Variants in ST13 observed in about 807,000 individuals in gnomAD.
ST13 encodes ST13 Hsp70 interacting protein.
A neutral mutation model predicts 56.7 loss-of-function variants in ST13; 23 were observed. The ratio of observed to expected loss-of-function variants is 0.41; its 90% CI spans 0.29 to 0.57. The LOEUF (loss-of-function observed/expected upper bound fraction) is 0.57. Ranked by LOEUF, ST13 falls within the 20% of genes least tolerant of loss-of-function variation. The probability of loss-of-function intolerance (pLI) is 0.36; values close to 1 mark genes in which losing one functional copy is unlikely to be tolerated. For missense variants in ST13, 369 were observed against 459.9 expected (o/e 0.80, Z 1.81); for synonymous variants, 132 against 142.4 (o/e 0.93, Z 0.52).
At chr22:40,846,208 T>A (rs528330832) in intron 3 of ST13, among the ~76,000 whole-genome samples, 1 of 152,320 alleles carries the variant, frequency 6.6e-6, no homozygotes, top group African/African-American at 2.4e-5. Context: ...AGTGCTGGGA[T>A]TAAAGGTGTG....
At chr22:40,855,056 A>T (rs985782749) in intron 1 of ST13, among the ~76,000 whole-genome samples, 1 of 152,238 alleles carries the variant, frequency 6.6e-6, no homozygotes, top group Non-Finnish European at 1.5e-5. Flanking sequence ...GGAAAAAAAT[A>T]CAACATACAA....
chr22:40,836,669 A>G (rs2057779088), intron 5 of ST13, among the ~76,000 whole-genome samples: 1 of 152,220 alleles, frequency 6.6e-6, no homozygotes, highest in African/African-American at 2.4e-5. Flanking sequence ...CAAAAATTCA[A>G]GAAAACTAGA....
chr22:40,833,128 G>A (rs979352982), intron 7 of ST13, among the ~76,000 whole-genome samples: 1 of 152,168 alleles, frequency 6.6e-6, no homozygotes, highest in African/African-American at 2.4e-5. Context: ...ATGGGGCAGA[G>A]GAGACAGCAA....
intron 1 of ST13, among the ~76,000 whole-genome samples, chr22:40,851,813 T>A (rs1048043851): frequency 1.3e-5 from 2 of 151,894 alleles, no homozygotes; most frequent in African/African-American, 4.8e-5. Flanking sequence ...TGGCACAATC[T>A]TGGCTCACTG....
intron 5 of ST13, among the ~76,000 whole-genome samples, chr22:40,837,082 C>T (rs1240995018): frequency 6.6e-6 from 1 of 152,226 alleles, no homozygotes; most frequent in African/African-American, 2.4e-5. Flanking sequence ...TTCTGAGTAG[C>T]TGGGATTACC....
chr22:40,842,335 C>T (rs2057808449), intron 4 of ST13, among the ~76,000 whole-genome samples: 1 of 152,070 alleles, frequency 6.6e-6, no homozygotes, highest in Non-Finnish European at 1.5e-5. Context: ...AAACAAGGTA[C>T]CTTAATGAGC....
rs2057732246 is a variant in ST13 at position 40,827,131 on chromosome 22, T to C, written c.946A>G (p.Ile316Val). Residue 316 changes from isoleucine (I) to valine (V), a missense_variant, in exon 11 of 12, where the codon ATT (isoleucine) becomes GTT (valine). This residue lies in a region of ST13 where 136 missense variants were observed against 159.2 expected (regional missense o/e 0.85). Transcript: ENST00000216218. ...GMAGMPGLNE[I>V]LSDPEVLAAM... ...GCAAGAACCTCTGGATCACTAAGAA[T>C]TTCATTGAGTCCAGGCATTCCAGCC... 6.8e-6 allele frequency: 11 copies of C among 1,612,246 alleles called. No individual in the cohort carries two copies. Among genetic ancestry groups the C allele is most frequent in the Non-Finnish European group, 9.3e-6 (11 of 1,179,972 alleles).
chr22:40,833,468 G>C (rs1416835766), intron 7 of ST13, among the ~76,000 whole-genome samples: 1 of 151,402 alleles, frequency 6.6e-6, no homozygotes, highest in Non-Finnish European at 1.5e-5. Flanking sequence ...AGGAGGCTGA[G>C]GCAGGAGAAT....
At chr22:40,830,628 AT>A (rs2057749516) in intron 9 of ST13, among the ~76,000 whole-genome samples, 1 of 152,244 alleles carries the variant, frequency 6.6e-6, no homozygotes, top group East Asian at 1.9e-4. Context: ...AGAATATAAA[AT>A]GGTGAAATAA....
Position 40,827,165 on chromosome 22 carries a change from C to T in ST13, c.912G>A (p.Met304Ile). 6.2e-7 allele frequency: 1 copy of T among 1,612,690 alleles called. No homozygotes were observed. The highest frequency in any genetic ancestry group is 1.1e-5 in the South Asian group (1 of 91,032). Reference protein sequence around the residue: ...PGGMPGMGGGMPGMAGMPGLN... With the variant: ...PGGMPGMGGGIPGMAGMPGLN... ...GTCCAGGCATTCCAGCCATTCCAGG[C>T]ATGCCCCCTCCCATTCCAGGCATTC... is the stretch of plus-strand genomic sequence containing the variant. The change falls in exon 11 of 12, where the codon ATG becomes ATA. Residue 304 changes from methionine to isoleucine, a missense_variant. Physicochemically the swap from Met to Ile is conservative, Grantham distance 10 (BLOSUM62 1). This residue lies in a region of ST13 where 136 missense variants were observed against 159.2 expected (regional missense o/e 0.85). Transcript: ENST00000216218.
chr22:40,843,396 C>T (rs1030661091), intron 4 of ST13, among the ~76,000 whole-genome samples: 2 of 151,998 alleles, frequency 1.3e-5, no homozygotes, highest in Non-Finnish European at 2.9e-5. Flanking sequence ...TTTTGGGGGT[C>T]CTTGTTCTAC....
chr22:40,846,932 T>C (rs971405399), intron 3 of ST13, among the ~76,000 whole-genome samples: 6 of 151,156 alleles, frequency 4.0e-5, no homozygotes, highest in African/African-American at 9.7e-5. Flanking sequence ...GAGGGAGAGG[T>C]TGCAGTGAGC....
At position 40,850,886 on chromosome 22, in the gene ST13, A is replaced by C; in HGVS notation, c.111-6T>G. ...GTGGTACTTTACCACCCATGCTTGAAGAAGATGAGAAAAAAGATATTTGTT... is the reference window on the plus strand; with the variant it reads ...GTGGTACTTTACCACCCATGCTTGACGAAGATGAGAAAAAAGATATTTGTT... On this transcript the variant is annotated splice_region_variant and splice_polypyrimidine_tract_variant and intron_variant, in intron 1 of 11. Transcript: ENST00000216218. The C allele has an allele frequency of 6.3e-7, 1 of 1,586,102 alleles. No homozygotes were observed. Among genetic ancestry groups the C allele is most frequent in the African/African-American group, 1.4e-5 (1 of 73,278 alleles).
At chr22:40,831,019 A>G in intron 8 of ST13, 63 bp from the exon 9 acceptor site, 1 of 1,049,990 alleles carries the variant, frequency 9.5e-7, no homozygotes, top group South Asian at 1.3e-5. Context: ...CAACACAAAT[A>G]TTCTTTGTAG....
chr22:40,847,950 G>C (rs896838743), intron 3 of ST13, among the ~76,000 whole-genome samples: 1 of 152,020 alleles, frequency 6.6e-6, no homozygotes, highest in Non-Finnish European at 1.5e-5. Flanking sequence ...GGGAGGCTCA[G>C]GCAGGAGAAT....
intron 2 of ST13, among the ~76,000 whole-genome samples, chr22:40,850,343 A>G (rs565533139): frequency 6.6e-6 from 1 of 152,348 alleles, no homozygotes; most frequent in South Asian, 2.1e-4. Flanking sequence ...AGCTACTGGT[A>G]ACCTTCTCCT....
chr22:40,843,769 G>GT (rs2057816446), intron 4 of ST13, among the ~76,000 whole-genome samples: 1 of 151,936 alleles, frequency 6.6e-6, no homozygotes, highest in Admixed American at 6.6e-5. Flanking sequence ...ATACAAAGCA[G>GT]TAAGAAAAAG....
At chr22:40,840,773 G>A (rs1335227682) in intron 4 of ST13, 81 bp from the exon 5 acceptor site, 18 of 1,161,210 alleles carry the variant, frequency 1.6e-5, no homozygotes, top group Non-Finnish European at 1.8e-5. Flanking sequence ...GGGATGAGGC[G>A]CAGTCACAAT....
chr22:40,849,727 C>A (rs996634263), intron 2 of ST13, among the ~76,000 whole-genome samples: 2 of 151,916 alleles, frequency 1.3e-5, no homozygotes, highest in Admixed American at 6.6e-5. Flanking sequence ...GAAAATACCA[C>A]TCTGATAAAT....
Sources: gnomAD v4.1 joint callset for allele counts (sites outside exome capture counted in the v4.1 genomes callset) on GRCh38, gnomAD v4.1.1 for gene constraint, gnomAD v4.1.1 regional missense constraint, MANE v1.5 for transcripts, NCBI Gene and HGNC (gene_info 2026-07-23, HGNC 2026-07-21) for gene names.